MAP7: variants seen among roughly 807,000 people sequenced by gnomAD.
MAP7 encodes the protein microtubule associated protein 7, also known as ensconsin.
MAP7 carries 52 observed loss-of-function variants against 94.8 expected under a neutral mutation model. The ratio of observed to expected loss-of-function variants is 0.55; its 90% CI spans 0.44 to 0.69. The LOEUF (loss-of-function observed/expected upper bound fraction) is 0.69. Among genes scored for constraint, MAP7 ranks in the 30% least tolerant of loss-of-function variants. The pLI, the probability that MAP7 is intolerant of heterozygous loss-of-function variation, is 0.00. For missense variants in MAP7, 940 were observed against 964.6 expected, an observed-to-expected ratio of 0.97 and a Z score of 0.34; for synonymous variants, 350 against 357.0, an observed-to-expected ratio of 0.98 and a Z score of 0.22.
chr6:136,519,341 C>T (rs373102097), intron 1 of MAP7, among the ~76,000 whole-genome samples: 41 of 152,184 alleles, frequency 2.7e-4, no homozygotes, highest in Admixed American at 9.8e-4. Flanking sequence ...TTAAATTTTA[C>T]GGCTAAAACC....
At chr6:136,535,242 C>T (rs547557412) in intron 1 of MAP7, among the ~76,000 whole-genome samples, 102 of 152,220 alleles carry the variant, frequency 6.7e-4, no homozygotes, top group African/African-American at 2.4e-3. Flanking sequence ...AGTCTGGGAC[C>T]TCCCCTCACA....
chr6:136,498,109 G>A (rs1282419322), intron 1 of MAP7, among the ~76,000 whole-genome samples: 1 of 152,028 alleles, frequency 6.6e-6, no homozygotes, highest in Non-Finnish European at 1.5e-5. Context: ...GATGATGAAA[G>A]CTACACCTTT....
chr6:136,499,417 C>T (rs1182580938), intron 1 of MAP7, among the ~76,000 whole-genome samples: 3 of 152,062 alleles, frequency 2.0e-5, no homozygotes, highest in Non-Finnish European at 4.4e-5. Flanking sequence ...ACTGTTATCA[C>T]CATTTTACAG....
At chr6:136,436,826 T>G (rs1582907580) in intron 1 of MAP7, among the ~76,000 whole-genome samples, 1 of 152,372 alleles carries the variant, frequency 6.6e-6, no homozygotes, top group East Asian at 1.9e-4. Context: ...AAGGAAAATT[T>G]ACCTTCTCTT....
At chr6:136,518,718 G>A (rs1015611357) in intron 1 of MAP7, among the ~76,000 whole-genome samples, 1 of 152,174 alleles carries the variant, frequency 6.6e-6, no homozygotes. Flanking sequence ...GAGAATTTCT[G>A]TAACAACGAA....
intron 1 of MAP7, among the ~76,000 whole-genome samples, chr6:136,430,656 CAAGTA>C (rs1396411617): frequency 2.0e-5 from 3 of 152,190 alleles, no homozygotes; most frequent in African/African-American, 7.2e-5. Flanking sequence ...TATTCCAACT[CAAGTA>C]ACCACTGAAC....
At chr6:136,360,969 G>T in intron 12 of MAP7, 36 bp downstream of exon 12, 1 of 1,552,926 alleles carries the variant, frequency 6.4e-7, no homozygotes, top group East Asian at 2.3e-5. Context: ...CTCCCTGCGG[G>T]ACTGGGGCCG....
At chr6:136,424,810 C>A (rs1033285592) in intron 1 of MAP7, among the ~76,000 whole-genome samples, 2 of 152,194 alleles carry the variant, frequency 1.3e-5, no homozygotes, top group African/African-American at 4.8e-5. Flanking sequence ...TGACTATAAC[C>A]TTTGCACCAT....
intron 2 of MAP7, chr6:136,419,701 T>C (rs1476561873): frequency 1.7e-5 from 3 of 178,634 alleles, no homozygotes; most frequent in Admixed American, 5.7e-5. Context: ...CATTAAAAGA[T>C]GAATAACAAA....
chr6:136,374,714 A>G (rs535450103), intron 7 of MAP7, among the ~76,000 whole-genome samples: 4 of 152,316 alleles, frequency 2.6e-5, no homozygotes, highest in Admixed American at 2.6e-4. Context: ...ATGGGTTGAA[A>G]ATATCCTTAA....
intron 1 of MAP7, among the ~76,000 whole-genome samples, chr6:136,472,345 C>T (rs1003552416): frequency 1.3e-5 from 2 of 152,070 alleles, no homozygotes; most frequent in Admixed American, 1.3e-4. Context: ...GGAACTTGAC[C>T]TACTTTCAAA....
rs1778902614 is a variant in MAP7, at chr6:136,385,300, T to C, written c.527-1519A>G. ...AAAAAACCACTTCTGTGCCTCAAAT[T>C]TATACTTAGCTGATGGACTCTTAGG... On this transcript the variant is annotated intron_variant, in intron 5 of 17. Transcript: ENST00000354570. 2.0e-5 allele frequency among the ~76,000 whole-genome samples: 3 copies of C among 152,294 alleles called. No individual in the cohort carries two copies. The South Asian group carries it at 6.2e-4, about 32-fold the overall frequency.
chr6:136,483,986 C>A (rs1813782534), intron 1 of MAP7, among the ~76,000 whole-genome samples: 1 of 152,232 alleles, frequency 6.6e-6, no homozygotes, highest in Admixed American at 6.5e-5. Context: ...GTGAAACTTG[C>A]TGGCTCTGTG....
chr6:136,383,646 T>C, intron 6 of MAP7, 25 bp downstream of exon 6: 1 of 1,317,996 alleles, frequency 7.6e-7, no homozygotes, highest in Admixed American at 2.3e-5. Flanking sequence ...TAACAGACAC[T>C]TTTTTGTTTT....
chr6:136,464,397 G>C (rs921405259), intron 1 of MAP7, among the ~76,000 whole-genome samples: 2 of 152,198 alleles, frequency 1.3e-5, no homozygotes, highest in Non-Finnish European at 2.9e-5. Flanking sequence ...TTTTGAGAGA[G>C]AGCGAGACCA....
chr6:136,540,684 C>T (rs898628060), intron 1 of MAP7, among the ~76,000 whole-genome samples: 1 of 152,188 alleles, frequency 6.6e-6, no homozygotes, highest in African/African-American at 2.4e-5. Flanking sequence ...ACACTTGACA[C>T]CACACACCAC....
At chr6:136,507,475 C>CAAA (rs10711278) in intron 1 of MAP7, among the ~76,000 whole-genome samples, 10 of 87,248 alleles carry the variant, frequency 1.1e-4, no homozygotes, top group African/African-American at 2.8e-4. Flanking sequence ...AGAAGATTCT[C>CAAA]AAAAAAAAAA....
At chr6:136,390,374 C>T (rs1484587941) in intron 3 of MAP7, among the ~76,000 whole-genome samples, 1 of 152,088 alleles carries the variant, frequency 6.6e-6, no homozygotes, top group African/African-American at 2.4e-5. Flanking sequence ...AAAAACAGGC[C>T]AGGTGCAGTG....
At chr6:136,519,405 G>A (rs1353247251) in intron 1 of MAP7, among the ~76,000 whole-genome samples, 1 of 152,130 alleles carries the variant, frequency 6.6e-6, no homozygotes, top group Non-Finnish European at 1.5e-5. Flanking sequence ...AGACAATGGT[G>A]CAAGCCTTAC....
Sources: allele counts gnomAD v4.1 joint callset (sites outside exome capture counted in the v4.1 genomes callset), GRCh38; gene constraint gnomAD v4.1.1; transcripts MANE v1.5; gene names NCBI Gene and HGNC (gene_info 2026-07-23, HGNC 2026-07-21).